The following SOX5 variants were observed in gnomAD, a reference collection of about 807,000 sequenced individuals.
The protein encoded by SOX5 is SRY-box transcription factor 5, also known as transcription factor SOX-5.
SOX5 carries 9 observed loss-of-function variants against 92.0 expected under a neutral mutation model. That is an observed-to-expected ratio of 0.10 (90% confidence interval 0.06 to 0.17). The LOEUF (loss-of-function observed/expected upper bound fraction) is 0.17. Among genes scored for constraint, SOX5 ranks in the 10% least tolerant of loss-of-function variants. The probability of loss-of-function intolerance (pLI) is 1.00; values close to 1 mark genes in which losing one functional copy is unlikely to be tolerated. For synonymous variants in SOX5, 344 were observed against 336.3 expected, an observed-to-expected ratio of 1.02 and a Z score of -0.25; for missense variants, 642 against 944.5, an observed-to-expected ratio of 0.68 and a Z score of 4.20.
intron 4 of SOX5, among the ~76,000 whole-genome samples, chr12:23,998,985 A>C (rs1951318448): frequency 6.6e-6 from 1 of 152,106 alleles, no homozygotes. Flanking sequence ...TTAAAAGCTA[A>C]AGACCAAGAG....
chr12:24,272,257 C>T, intron 3 of SOX5, among the ~76,000 whole-genome samples: 1 of 152,094 alleles, frequency 6.6e-6, no homozygotes, highest in African/African-American at 2.4e-5. Flanking sequence ...AAAAACTGTA[C>T]ATTATACTAT....
intron 1 of SOX5, among the ~76,000 whole-genome samples, chr12:24,547,118 A>T (rs532060714): frequency 5.3e-5 from 8 of 151,944 alleles, no homozygotes; most frequent in African/African-American, 1.7e-4. Context: ...TTTAGGAAGT[A>T]GGGGTAGGAG....
At chr12:23,615,135 T>G (rs1483104187) in intron 8 of SOX5, among the ~76,000 whole-genome samples, 3 of 152,128 alleles carry the variant, frequency 2.0e-5, no homozygotes, top group Admixed American at 6.5e-5. Context: ...ATTGTCTTTT[T>G]AATTATAACT....
At chr12:23,839,272 C>T (rs1458885744) in intron 3 of SOX5, among the ~76,000 whole-genome samples, 3 of 152,050 alleles carry the variant, frequency 2.0e-5, no homozygotes, top group Non-Finnish European at 2.9e-5. Flanking sequence ...AATTAAGAGT[C>T]TATGTATCCA....
intron 4 of SOX5, among the ~76,000 whole-genome samples, chr12:24,007,190 T>A (rs1254784270): frequency 3.1e-4 from 21 of 67,924 alleles, no homozygotes; most frequent in African/African-American, 4.6e-4. Context: ...TATATATAAA[T>A]GTATATAAAT....
intron 3 of SOX5, among the ~76,000 whole-genome samples, chr12:23,807,867 T>G (rs930681792): frequency 6.6e-6 from 1 of 151,900 alleles, no homozygotes; most frequent in African/African-American, 2.4e-5. Flanking sequence ...AGGCTGGTCT[T>G]GAACTCTTGA....
chr12:24,281,406 GAATAAATGGCTGATCTCTTCAC>G (rs1945183838), intron 2 of SOX5, among the ~76,000 whole-genome samples: 1 of 152,042 alleles, frequency 6.6e-6, no homozygotes, highest in Non-Finnish European at 1.5e-5. Context: ...CCTCAACACA[GAATAAATGGCTGATCTCTTCAC>G]AATAACAGCT....
chr12:24,095,142 G>GAGAGAGAGAT (rs1555507663), intron 4 of SOX5, among the ~76,000 whole-genome samples: 36 of 148,472 alleles, frequency 2.4e-4, no homozygotes, highest in Non-Finnish European at 4.6e-4. Flanking sequence ...GAGAGAGAGA[G>GAGAGAGAGAT]AGAGAGAGAG....
intron 4 of SOX5, among the ~76,000 whole-genome samples, chr12:24,087,909 A>G (rs1379462806): frequency 6.6e-6 from 1 of 151,978 alleles, no homozygotes; most frequent in African/African-American, 2.4e-5. Context: ...TCTCCCCCTT[A>G]CTAATAGAAC....
At chr12:24,520,072 T>C (rs1950135250) in intron 1 of SOX5, among the ~76,000 whole-genome samples, 1 of 150,750 alleles carries the variant, frequency 6.6e-6, no homozygotes, top group Non-Finnish European at 1.5e-5. Flanking sequence ...AAGAACAATA[T>C]ACCAGGCAAA....
At chr12:24,111,409 C>A (rs951723415) in intron 4 of SOX5, among the ~76,000 whole-genome samples, 1 of 152,092 alleles carries the variant, frequency 6.6e-6, no homozygotes, top group African/African-American at 2.4e-5. Flanking sequence ...CCAAGTCTGA[C>A]TAAAACAATT....
chr12:24,222,783 A>T (rs1047235523), intron 3 of SOX5, among the ~76,000 whole-genome samples: 1 of 152,236 alleles, frequency 6.6e-6, no homozygotes, highest in African/African-American at 2.4e-5. Flanking sequence ...GCTAAGAAAC[A>T]TTTAAAAAAT....
intron 1 of SOX5, among the ~76,000 whole-genome samples, chr12:24,454,093 T>G (rs1942703171): frequency 6.6e-6 from 1 of 152,156 alleles, no homozygotes; most frequent in Non-Finnish European, 1.5e-5. Context: ...ATATTCTTTG[T>G]TTCTTCATTC....
At chr12:24,523,993 G>T (rs1950479243) in intron 1 of SOX5, among the ~76,000 whole-genome samples, 1 of 152,156 alleles carries the variant, frequency 6.6e-6, no homozygotes, top group Non-Finnish European at 1.5e-5. Flanking sequence ...TATATGCGAT[G>T]GTTAATTTTA....
intron 1 of SOX5, among the ~76,000 whole-genome samples, chr12:24,484,761 AC>A (rs1946344504): frequency 1.3e-5 from 2 of 152,194 alleles, no homozygotes; most frequent in South Asian, 2.1e-4. Context: ...AACACTCAGG[AC>A]CTTTTTCCAT....
intron 1 of SOX5, among the ~76,000 whole-genome samples, chr12:24,539,191 G>T (rs1024764004): frequency 7.3e-5 from 11 of 151,154 alleles, no homozygotes; most frequent in African/African-American, 2.7e-4. Context: ...TATTAGTTTG[G>T]AACAAGTCCT....
chr12:24,085,309 C>G (rs530128478), intron 4 of SOX5, among the ~76,000 whole-genome samples: 2 of 152,082 alleles, frequency 1.3e-5, no homozygotes, highest in African/African-American at 4.8e-5. Flanking sequence ...GCCAGGGACT[C>G]TGCTATATGT....
chr12:24,157,413 T>C (rs1194380699), intron 4 of SOX5, among the ~76,000 whole-genome samples: 1 of 152,110 alleles, frequency 6.6e-6, no homozygotes, highest in African/African-American at 2.4e-5. Flanking sequence ...AAAACAATAA[T>C]TAAACAAATG....
intron 4 of SOX5, among the ~76,000 whole-genome samples, chr12:24,127,182 G>A (rs1399064363): frequency 1.3e-5 from 2 of 151,834 alleles, no homozygotes; most frequent in African/African-American, 4.8e-5. Flanking sequence ...TTTGAGCACA[G>A]GAGTTTGAGA....
Sources: allele counts gnomAD v4.1 joint callset (sites outside exome capture counted in the v4.1 genomes callset), GRCh38; gene constraint gnomAD v4.1.1; transcripts MANE v1.5; gene names NCBI Gene and HGNC (gene_info 2026-07-23, HGNC 2026-07-21).